Variants in ACTR3C observed in about 807,000 individuals in gnomAD.
The protein encoded by ACTR3C is actin related protein 3C, also known as actin-related protein 3C.
A neutral mutation model predicts 26.3 loss-of-function variants in ACTR3C; 18 were observed. The observed-to-expected ratio is 0.68, with a 90% CI of 0.47 to 1.01. ACTR3C has a LOEUF of 1.01. ACTR3C is among the 50% of genes least tolerant of loss of function. ACTR3C has a pLI of 0.00. For synonymous variants in ACTR3C, 55 were observed against 94.5 expected, an observed-to-expected ratio of 0.58 and a Z score of 2.42; for missense variants, 184 against 250.7, an observed-to-expected ratio of 0.73 and a Z score of 1.80.
the ACTR3C span, among the ~76,000 whole-genome samples, chr7:149,947,579 G>T: frequency 0.49 from 45,534 of 92,268 alleles, 12,362 homozygotes; most frequent in Non-Finnish European, 0.56. Context: ...GAAACAACAG[G>T]CCCAGAGCCA....
chr7:149,955,353 AATTG>A, the ACTR3C span, among the ~76,000 whole-genome samples: 1 of 151,980 alleles, frequency 6.6e-6, no homozygotes, highest in Admixed American at 6.5e-5. Context: ...TTAACTGATT[AATTG>A]ATTAATTGAT....
At chr7:150,113,726 A>G in the ACTR3C span, among the ~76,000 whole-genome samples, 3 of 152,344 alleles carry the variant, frequency 2.0e-5, no homozygotes, top group African/African-American at 7.2e-5. Flanking sequence ...AATAATAAAT[A>G]ACATCTCGAC....
At chr7:149,899,963 A>C in the ACTR3C span, among the ~76,000 whole-genome samples, 6 of 73,462 alleles carry the variant, frequency 8.2e-5, no homozygotes, top group Non-Finnish European at 2.3e-4. Flanking sequence ...ACACACACAC[A>C]CCAAAAAAAA....
At chr7:150,282,998 C>T (rs2129612107) in intron 6 of ACTR3C, among the ~76,000 whole-genome samples, 1 of 146,416 alleles carries the variant, frequency 6.8e-6, no homozygotes, top group East Asian at 2.0e-4. Flanking sequence ...TCACCTAGCA[C>T]ATAACCCAGG....
chr7:150,124,405 G>A, the ACTR3C span, among the ~76,000 whole-genome samples: 1 of 152,196 alleles, frequency 6.6e-6, no homozygotes, highest in Non-Finnish European at 1.5e-5. Flanking sequence ...TTAAACCAGG[G>A]TTGGCTCTTG....
the ACTR3C span, among the ~76,000 whole-genome samples, chr7:150,072,011 C>T: frequency 0.68 from 97,384 of 142,926 alleles, 35,927 homozygotes; most frequent in East Asian, 0.77. Flanking sequence ...AAAGGAGGAA[C>T]GCAGCTTTGT....
chr7:150,149,074 T>G, the ACTR3C span, among the ~76,000 whole-genome samples: 1 of 110,520 alleles, frequency 9.0e-6, no homozygotes, highest in African/African-American at 3.5e-5. Context: ...ACGAATAAAG[T>G]TTGAGTATAT....
intron 6 of ACTR3C, among the ~76,000 whole-genome samples, chr7:150,267,688 A>G (rs956013126): frequency 4.6e-5 from 7 of 152,238 alleles, no homozygotes; most frequent in South Asian, 2.1e-4. Flanking sequence ...GGAAAAAAAG[A>G]TCATATACAG....
the ACTR3C span, among the ~76,000 whole-genome samples, chr7:150,015,132 C>G: frequency 1.3e-5 from 2 of 152,182 alleles, no homozygotes; most frequent in Admixed American, 6.5e-5. Context: ...TTCATTTATT[C>G]AGCCATGGTT....
chr7:150,274,163 G>A lies in ACTR3C; in HGVS notation c.564+10590C>T, dbSNP rs1834665810. The stretch of plus-strand genomic sequence containing the variant: ...TGGGCAAAATGACGTGGGAAAAAGC[G>A]CCGAGGTGCAGTCTAGAGCAGGGTG... On this transcript the variant is annotated intron_variant, in intron 6 of 7. Coordinates refer to ENST00000683684, the MANE Select transcript of ACTR3C (RefSeq NM_001164458.2). The surrounding 1 kb of genome is among the most constrained non-coding windows in gnomAD (Gnocchi z 4.1). Among the ~76,000 whole-genome samples, 2 of 152,062 alleles carry A rather than the reference G, an allele frequency of 1.3e-5. No individual in the cohort carries two copies. Among genetic ancestry groups the A allele is most frequent in the South Asian group, 2.1e-4 (1 of 4,836 alleles).
In ACTR3C at chr7:150,274,678, C is replaced by T. The variant is rs560670753; in HGVS notation, c.564+10075G>A. On this transcript the variant is annotated intron_variant, in intron 6 of 7. Transcript: ENST00000683684. The surrounding 1 kb of genome is among the most constrained non-coding windows in gnomAD (Gnocchi z 4.1). The stretch of plus-strand genomic sequence containing the variant: ...AGGGGCTGGGGAATGAGTGCAGTCA[C>T]GATGCTAGGAAGCGGCTCAGCCCAC... Among the ~76,000 whole-genome samples, 2 of 152,334 alleles carry T rather than the reference C, an allele frequency of 1.3e-5. No individual in the cohort carries two copies. The highest frequency in any genetic ancestry group is 2.1e-4 in the South Asian group (1 of 4,830).
At chr7:149,899,832 C>T in the ACTR3C span, among the ~76,000 whole-genome samples, 21 of 145,176 alleles carry the variant, frequency 1.4e-4, no homozygotes, top group African/African-American at 4.0e-4. Flanking sequence ...TAAGTTAACC[C>T]GAAACAAAAC....
the ACTR3C span, among the ~76,000 whole-genome samples, chr7:150,141,275 G>A: frequency 1.3e-5 from 2 of 152,196 alleles, no homozygotes; most frequent in Non-Finnish European, 2.9e-5. Flanking sequence ...ATCATCTCAA[G>A]AAGTCACATC....
At chr7:150,107,844 C>T in the ACTR3C span, among the ~76,000 whole-genome samples, 2 of 151,648 alleles carry the variant, frequency 1.3e-5, no homozygotes, top group African/African-American at 4.9e-5. Flanking sequence ...ACAGAATGGG[C>T]CCCTTATAGG....
chr7:150,078,693 G>A, the ACTR3C span, among the ~76,000 whole-genome samples: 1 of 152,156 alleles, frequency 6.6e-6, no homozygotes, highest in African/African-American at 2.4e-5. Flanking sequence ...CCAATGGGAT[G>A]CCCAGATAGC....
At chr7:150,317,645 C>T (rs1307943173) in intron 1 of ACTR3C, among the ~76,000 whole-genome samples, 1 of 152,032 alleles carries the variant, frequency 6.6e-6, no homozygotes, top group Admixed American at 6.6e-5. Flanking sequence ...TTATCTTATT[C>T]TTGAATTCAA....
chr7:150,025,329 C>G, the ACTR3C span, among the ~76,000 whole-genome samples: 143,977 of 151,700 alleles, frequency 0.95, 68,581 homozygotes, highest in East Asian at 1. Flanking sequence ...TTTTTTCCCT[C>G]CAACATTAGC....
chr7:149,963,934 T>C, the ACTR3C span, among the ~76,000 whole-genome samples: 1 of 152,126 alleles, frequency 6.6e-6, no homozygotes, highest in African/African-American at 2.4e-5. Context: ...CATGCATGAA[T>C]CCAACGGACA....
the ACTR3C span, among the ~76,000 whole-genome samples, chr7:150,164,678 G>C: frequency 2.0e-5 from 3 of 152,018 alleles, no homozygotes; most frequent in Non-Finnish European, 4.4e-5. Flanking sequence ...GGGGTAATCA[G>C]ATGTCATACT....
Sources: allele counts gnomAD v4.1 joint callset (sites outside exome capture counted in the v4.1 genomes callset), GRCh38; gene constraint gnomAD v4.1.1; non-coding constraint Gnocchi (gnomAD v3.1); transcripts MANE v1.5; gene names NCBI Gene and HGNC (gene_info 2026-07-23, HGNC 2026-07-21).